ZNF226: variants seen among roughly 807,000 people sequenced by gnomAD.
The protein encoded by ZNF226 is zinc finger protein 226.
ZNF226 carries 6 observed loss-of-function variants against 11.4 expected under a neutral mutation model. That is an observed-to-expected ratio of 0.53 (90% CI 0.29 to 1.04). ZNF226 has a LOEUF of 1.04. ZNF226 is among the 50% of genes least tolerant of loss of function. The probability of loss-of-function intolerance (pLI) is 0.08; values close to 1 mark genes in which losing one functional copy is unlikely to be tolerated. For synonymous variants in ZNF226, 350 were observed against 322.8 expected (o/e 1.08, Z -0.90); for missense variants, 1,058 against 956.5 (o/e 1.11, Z -1.40).
downstream of ZNF226, among the ~76,000 whole-genome samples, chr19:44,179,267 A>G (rs16978809): frequency 8.5e-3 from 1,292 of 152,342 alleles, 9 homozygotes; most frequent in African/African-American, 0.029. Context: ...CCACCACAGC[A>G]TCGAAGAGAA....
At chr19:44,193,411 G>A in the ZNF226 span, among the ~76,000 whole-genome samples, 1 of 151,584 alleles carries the variant, frequency 6.6e-6, no homozygotes, top group Non-Finnish European at 1.5e-5. Flanking sequence ...GAAAAAATGG[G>A]ACAAGTTAAG....
chr19:44,187,660 C>T, the ZNF226 span, among the ~76,000 whole-genome samples: 12 of 151,702 alleles, frequency 7.9e-5, no homozygotes, highest in South Asian at 1.0e-3. The surrounding 1 kb of genome is among the most constrained non-coding windows in gnomAD (Gnocchi z 4.0). Context: ...TTATTCCTTC[C>T]GCTGACTTTT....
At chr19:44,184,503 C>T in the ZNF226 span, among the ~76,000 whole-genome samples, 608 of 151,702 alleles carry the variant, frequency 4.0e-3, 3 homozygotes, top group African/African-American at 0.014. Context: ...TGCTTGAATC[C>T]GGGAGGCGGT....
intron 5 of ZNF226, chr19:44,175,085 A>G: frequency 3.1e-6 from 5 of 1,604,794 alleles, no homozygotes; most frequent in Non-Finnish European, 4.2e-6. Flanking sequence ...ATATGAAGAA[A>G]TGTTGGAAGG....
At chr19:44,190,391 T>C in the ZNF226 span, among the ~76,000 whole-genome samples, 2 of 152,132 alleles carry the variant, frequency 1.3e-5, no homozygotes, top group African/African-American at 4.8e-5. Context: ...TGGAGTACAG[T>C]GGCGCGATCT....
In ZNF226 at chr19:44,177,585, A is replaced by G; in HGVS notation, c.2323A>G (p.Arg775Gly). The G allele has an allele frequency of 1.9e-6, 3 of 1,614,068 alleles. No homozygotes were observed. Among genetic ancestry groups the G allele is most frequent in the Non-Finnish European group, 2.5e-6 (3 of 1,179,898 alleles). ...SWRSNLTVHH[R>G]IHVGDKSYKS... ...GCGATCAAATCTTACAGTTCATCAC[A>G]GAATCCATGTTGGTGATAAATCCTA... Residue 775 changes from arginine (R) to glycine (G), a missense_variant, in exon 6 of 6, where the codon AGA becomes GGA. Coordinates refer to ENST00000337433, the MANE Select transcript of ZNF226 (RefSeq NM_001032373.2).
At chr19:44,170,376 G>A (rs972913357) in intron 3 of ZNF226, among the ~76,000 whole-genome samples, 31 of 151,762 alleles carry the variant, frequency 2.0e-4, no homozygotes, top group African/African-American at 7.5e-4. Flanking sequence ...GCAGGGGGTG[G>A]GATCACTTGA....
downstream of ZNF226, among the ~76,000 whole-genome samples, chr19:44,180,659 T>G (rs1253572272): frequency 2.6e-5 from 4 of 152,188 alleles, no homozygotes; most frequent in Admixed American, 2.0e-4. Flanking sequence ...TGCTGCAGTG[T>G]CAAAATTTAG....
the ZNF226 span, among the ~76,000 whole-genome samples, chr19:44,196,278 T>C: frequency 6.6e-6 from 1 of 152,240 alleles, no homozygotes; most frequent in Non-Finnish European, 1.5e-5. Context: ...GTACATTCTG[T>C]GAATATTCTT....
chr19:44,173,075 T>G (rs1970293356), intron 5 of ZNF226, 123 bp downstream of exon 5: 1 of 863,638 alleles, frequency 1.2e-6, no homozygotes, highest in Admixed American at 2.3e-5. Context: ...TGCAACACCC[T>G]TTGTACTGCT....
intron 5 of ZNF226, 87 bp downstream of exon 5, chr19:44,173,039 A>C: frequency 8.0e-7 from 1 of 1,255,634 alleles, no homozygotes; most frequent in African/African-American, 1.5e-5. Context: ...CCTGGTCCAA[A>C]TTGCCAACTG....
At position 44,176,887 on chromosome 19, in the gene ZNF226, A is replaced by G. The variant is rs1970734773; in HGVS notation, c.1625A>G (p.Gln542Arg). ...KCEICGKGFS[Q>R]SSYLQIHQKA... ...GAGATATGTGGGAAGGGCTTCAGTCAAAGTTCGTATCTTCAAATCCATCAG... is the reference window on the plus strand; with the variant it reads ...GAGATATGTGGGAAGGGCTTCAGTCGAAGTTCGTATCTTCAAATCCATCAG... Residue 542 changes from glutamine (Q) to arginine (R), a missense_variant, in exon 6 of 6, where the codon CAA becomes CGA. Gln to Arg is a conservative substitution (Grantham distance 43). Transcript: ENST00000337433. 4 of 1,613,244 alleles carry G rather than the reference A, an allele frequency of 2.5e-6. No homozygotes were observed. Among genetic ancestry groups the G allele is most frequent in the Non-Finnish European group, 3.4e-6 (4 of 1,179,754 alleles).
chr19:44,165,656 A>G (rs1057375003), intron 1 of ZNF226, 101 bp from the exon 2 acceptor site: 1 of 152,242 alleles, frequency 6.6e-6, no homozygotes, highest in Admixed American at 6.5e-5. Context: ...CTTTTGAGGA[A>G]GGAGAGGGTT....
chr19:44,190,365 G>A, the ZNF226 span, among the ~76,000 whole-genome samples: 2 of 151,948 alleles, frequency 1.3e-5, no homozygotes, highest in African/African-American at 2.4e-5. Context: ...GCGGAGTCTC[G>A]CTGTGTCGCC....
In ZNF226 at chr19:44,176,968, A is replaced by T; in HGVS notation, c.1706A>T (p.Asn569Ile). ...TGTGAGGAGTGTGGGCAGGGTTTCA[A>T]TCAGAGCTCACGACTTCAGATTCAC... Reference protein sequence around the residue: ...FKCEECGQGFNQSSRLQIHQL... With the variant: ...FKCEECGQGFIQSSRLQIHQL... Residue 569 changes from asparagine (N) to isoleucine (I), a missense_variant, in exon 6 of 6, where the codon AAT (asparagine) becomes ATT (isoleucine). By Grantham distance (149) the Asn-to-Ile change is moderately radical. Coordinates refer to ENST00000337433, the MANE Select transcript of ZNF226 (RefSeq NM_001032373.2). The T allele has an allele frequency of 6.2e-7, 1 of 1,613,800 alleles. No homozygotes were observed. The highest frequency in any genetic ancestry group is 8.5e-7 in the Non-Finnish European group (1 of 1,179,846).
chr19:44,192,811 T>A, the ZNF226 span, among the ~76,000 whole-genome samples: 2 of 152,302 alleles, frequency 1.3e-5, no homozygotes, highest in Non-Finnish European at 1.5e-5. Context: ...TCTTGCAGAT[T>A]TTTTTTAACT....
downstream of ZNF226, among the ~76,000 whole-genome samples, chr19:44,183,160 A>G (rs1185655096): frequency 6.6e-6 from 1 of 152,176 alleles, no homozygotes; most frequent in African/African-American, 2.4e-5. Flanking sequence ...CTGAATATGG[A>G]GGGATTGATT....
At position 44,172,230 on chromosome 19, in the gene ZNF226, C is replaced by A; in HGVS notation, c.142+16C>A. On this transcript the variant is annotated intron_variant, in intron 4 of 5. Transcript: ENST00000337433. The stretch of plus-strand genomic sequence containing the variant: ...CTGTCAGTGGGTGAGGACAGCCTCC[C>A]TCTGGAATATCTTTGTGCCCTTGGA... 6.2e-7 allele frequency: 1 copy of A among 1,606,880 alleles called. No individual in the cohort carries two copies. The highest frequency in any genetic ancestry group is 8.5e-7 in the Non-Finnish European group (1 of 1,175,716).
rs770454670 is a variant in ZNF226, at chr19:44,170,142, A to G, written c.15+47A>G. The G allele has an allele frequency of 1.3e-5, 21 of 1,596,666 alleles. No individual in the cohort carries two copies. The East Asian group carries it at 3.6e-4, about 27-fold the overall frequency. ...CAGCTGTTAAAAATACCATTTTAGT[A>G]CTCAGAGATGGAACCAGGTTTTTCT... On this transcript the variant is annotated intron_variant, in intron 3 of 5. Coordinates refer to ENST00000337433, the MANE Select transcript of ZNF226 (RefSeq NM_001032373.2).
Sources: gnomAD v4.1 joint callset for allele counts (sites outside exome capture counted in the v4.1 genomes callset) on GRCh38, gnomAD v4.1.1 for gene constraint, Gnocchi (gnomAD v3.1) non-coding constraint, MANE v1.5 for transcripts, NCBI Gene and HGNC (gene_info 2026-07-23, HGNC 2026-07-21) for gene names.